Variants in AASDH observed in about 807,000 individuals in gnomAD.
The protein encoded by AASDH is beta-alanine-activating enzyme.
Under a neutral mutation model 102.3 loss-of-function variants are expected in AASDH, and 81 were observed. The observed-to-expected ratio is 0.79, with a 90% CI of 0.66 to 0.95. The LOEUF is 0.95. AASDH is among the 40% of genes least tolerant of loss of function. The pLI is 0.00. For missense variants in AASDH, 1,203 were observed against 1,266.2 expected (o/e 0.95, Z 0.76); for synonymous variants, 398 against 454.0 (o/e 0.88, Z 1.57).
Position 56,338,329 on chromosome 4 carries a change from G to A in AASDH, c.*73C>T, listed in dbSNP as rs75727339. 3.1e-3 allele frequency: 4,637 copies of A among 1,474,116 alleles called. 143 individuals are homozygous for A. In the African/African-American group the frequency reaches 0.057, roughly 18 times the overall value. The allele number at this position is 1,474,116 out of a possible 1,614,324, so 91.3% of individuals were successfully genotyped here. On this transcript the variant is annotated 3_prime_UTR_variant, in exon 15 of 15. Transcript: ENST00000205214. ...TATAATCTTCTTTAATATAAAATAA[G>A]TCCACATGATGTATAATGGTAAAAT... is the stretch of plus-strand genomic sequence containing the variant.
chr4:56,349,504 C>A lies in AASDH; in HGVS notation c.2247G>T (p.Gly749=), dbSNP rs754272588. The A allele has an allele frequency of 1.9e-5, 30 of 1,614,062 alleles. No homozygotes were observed. Among genetic ancestry groups the A allele is most frequent in the Non-Finnish European group, 2.5e-5 (29 of 1,180,034 alleles). ...TCACATGTAACTCCATTTTCTGAGT[C>A]CCTATCGCAGGTTTCCCCTCTTCAG... is the stretch of plus-strand genomic sequence containing the variant. ...KVSEEGKPAI[G]TQKMELHVRW... Residue 749 remains glycine (G), a synonymous_variant, in exon 11 of 15, where the codon GGG becomes GGT. Coordinates refer to ENST00000205214, the MANE Select transcript of AASDH (RefSeq NM_181806.4).
intron 5 of AASDH, among the ~76,000 whole-genome samples, chr4:56,361,214 C>G (rs1030393426): frequency 6.6e-6 from 1 of 152,070 alleles, no homozygotes; most frequent in Non-Finnish European, 1.5e-5. Flanking sequence ...GAGTTCGAGA[C>G]CAGCCTAGCC....
chr4:56,350,722 G>A (rs1007018220), intron 10 of AASDH, among the ~76,000 whole-genome samples: 8 of 151,870 alleles, frequency 5.3e-5, no homozygotes, highest in Admixed American at 1.3e-4. Context: ...TTTGTCTTTG[G>A]CTGCTTCATA....
intron 5 of AASDH, chr4:56,357,014 TAATG>T (rs1749719814): frequency 2.7e-6 from 1 of 366,716 alleles, no homozygotes; most frequent in Non-Finnish European, 5.0e-6. Context: ...AGTAAAACAA[TAATG>T]AATAAAGATT....
chr4:56,377,008 A>T (rs1020591975), intron 4 of AASDH, among the ~76,000 whole-genome samples: 3 of 149,618 alleles, frequency 2.0e-5, no homozygotes, highest in Non-Finnish European at 4.5e-5. Context: ...CGGAGCTTGC[A>T]GTGAGCCGAG....
At chr4:56,355,642 A>T (rs1749552597) in intron 5 of AASDH, among the ~76,000 whole-genome samples, 1 of 135,276 alleles carries the variant, frequency 7.4e-6, no homozygotes. Context: ...TTTTTGAGAC[A>T]GGGTCTCACT....
At chr4:56,341,178 A>G (rs57969097) in intron 14 of AASDH, among the ~76,000 whole-genome samples, 2,420 of 152,220 alleles carry the variant, frequency 0.016, 76 homozygotes, top group African/African-American at 0.055. Flanking sequence ...AAAAATCAGT[A>G]TATCAAAGAG....
chr4:56,376,577 T>C (rs986952347), intron 4 of AASDH, among the ~76,000 whole-genome samples: 3 of 152,180 alleles, frequency 2.0e-5, no homozygotes, highest in Admixed American at 6.5e-5. Context: ...CAGGCCTGCA[T>C]GTGCCATCCA....
chr4:56,377,678 G>A (rs1056501233), intron 4 of AASDH, among the ~76,000 whole-genome samples: 1 of 152,158 alleles, frequency 6.6e-6, no homozygotes, highest in African/African-American at 2.4e-5. Flanking sequence ...AGTCTGCAGA[G>A]AACTAAAGTT....
At position 56,338,571 on chromosome 4, in the gene AASDH, G is replaced by A. The variant is rs748984927; in HGVS notation, c.3128C>T (p.Thr1043Ile). ...SNEMLLAAAS[T>I]DGKVWILESQ... ...TTCCAAGATCCACACTTTCCCATCAGTAGATGCTGCTGCCAGCAACATTTC... is the reference window on the plus strand; with the variant it reads ...TTCCAAGATCCACACTTTCCCATCAATAGATGCTGCTGCCAGCAACATTTC... The change falls in exon 15 of 15, where the codon ACT (threonine) becomes ATT (isoleucine). Residue 1043 changes from threonine (T) to isoleucine (I), a missense_variant. Physicochemically the swap from Thr to Ile is moderately conservative, Grantham distance 89 (BLOSUM62 -1). Coordinates refer to ENST00000205214, the MANE Select transcript of AASDH (RefSeq NM_181806.4). 1 of 1,614,216 alleles carries A rather than the reference G, an allele frequency of 6.2e-7. No individual in the cohort carries two copies. The highest frequency in any genetic ancestry group is 1.1e-5 in the South Asian group (1 of 91,080).
rs1983377 is a variant in AASDH at position 56,382,836 on chromosome 4, G to T, written c.231-239C>A. Among the ~76,000 whole-genome samples, 12 of 152,116 alleles carry T rather than the reference G, an allele frequency of 7.9e-5. No individual in the cohort carries two copies. The South Asian group carries it at 2.5e-3, about 32-fold the overall frequency. ...TGTAATCCCAGCACTTTGGGAGGTT[G>T]AGGCGAGCGAATCACCTGAGGTCGG... On this transcript the variant is annotated intron_variant, in intron 2 of 14. Transcript: ENST00000205214.
At chr4:56,376,517 C>T (rs1430096367) in intron 4 of AASDH, among the ~76,000 whole-genome samples, 2 of 152,160 alleles carry the variant, frequency 1.3e-5, no homozygotes, top group African/African-American at 4.8e-5. Context: ...ACTATATTGT[C>T]GATTACAACA....
chr4:56,363,612 G>A (rs1301376442), intron 5 of AASDH, among the ~76,000 whole-genome samples: 2 of 152,274 alleles, frequency 1.3e-5, no homozygotes, highest in South Asian at 2.1e-4. Flanking sequence ...AGGCAAACAG[G>A]GTCTGGAGTG....
intron 10 of AASDH, 54 bp from the exon 11 acceptor site, chr4:56,350,112 C>A (rs1748833096): frequency 1.5e-6 from 2 of 1,373,924 alleles, no homozygotes; most frequent in Non-Finnish European, 1.9e-6. Flanking sequence ...AAGCAAAAGA[C>A]TTCAACATTT....
chr4:56,349,469 G>A lies in AASDH; in HGVS notation c.2282C>T (p.Ser761Leu). Residue 761 changes from serine to leucine, a missense_variant, in exon 11 of 15, where the codon TCA (serine) becomes TTA (leucine). By Grantham distance (145) the Ser-to-Leu change is moderately radical. Coordinates refer to ENST00000205214, the MANE Select transcript of AASDH (RefSeq NM_181806.4). ...QKMELHVRWR[S>L]DTGKCVDASP... ...AGCATCTACACATTTGCCTGTGTCT[G>A]ACCTCCACCTCACATGTAACTCCAT... 6.2e-7 allele frequency: 1 copy of A among 1,614,154 alleles called. No homozygotes were observed. The highest frequency in any genetic ancestry group is 8.5e-7 in the Non-Finnish European group (1 of 1,180,026).
chr4:56,385,636 T>C (rs1307182812), intron 1 of AASDH, among the ~76,000 whole-genome samples: 2 of 152,148 alleles, frequency 1.3e-5, no homozygotes, highest in African/African-American at 4.8e-5. Flanking sequence ...CTCGCTCTGT[T>C]CCCCAGGCTG....
chr4:56,357,286 T>C (rs1280747802), intron 5 of AASDH, among the ~76,000 whole-genome samples: 1 of 152,146 alleles, frequency 6.6e-6, no homozygotes, highest in Non-Finnish European at 1.5e-5. Flanking sequence ...CTCTACTTCA[T>C]AGATGGTACC....
At chr4:56,356,259 A>AGG (rs2109904254) in intron 5 of AASDH, 1 of 912,132 alleles carries the variant, frequency 1.1e-6, no homozygotes, top group South Asian at 1.3e-5. Context: ...GGCACTGAGC[A>AGG]AGACATCCAG....
intron 14 of AASDH, among the ~76,000 whole-genome samples, chr4:56,342,110 CAA>C (rs113304959): frequency 4.1e-5 from 4 of 97,514 alleles, no homozygotes; most frequent in East Asian, 6.2e-4. Flanking sequence ...GATTCTGTCT[CAA>C]AAAAAAAAAA....
Sources: gnomAD v4.1 joint callset for allele counts (sites outside exome capture counted in the v4.1 genomes callset) on GRCh38, gnomAD v4.1.1 for gene constraint, MANE v1.5 for transcripts, NCBI Gene and HGNC (gene_info 2026-07-23, HGNC 2026-07-21) for gene names.